LDLRAD4: variants seen among roughly 807,000 people sequenced by gnomAD.
LDLRAD4 encodes the protein low-density lipoprotein receptor class A domain-containing protein 4.
Under a neutral mutation model 17.0 loss-of-function variants are expected in LDLRAD4, and 5 were observed. The ratio of observed to expected loss-of-function variants is 0.29; its 90% CI spans 0.15 to 0.62. The LOEUF (loss-of-function observed/expected upper bound fraction) is 0.62, where lower values mean the gene tolerates loss of function less well. Ranked by LOEUF, LDLRAD4 falls within the 20% of genes least tolerant of loss-of-function variation. The pLI, the probability that LDLRAD4 is intolerant of heterozygous loss-of-function variation, is 0.84. For missense variants in LDLRAD4, 340 were observed against 424.7 expected (o/e 0.80, Z 1.75); for synonymous variants, 168 against 171.8 (o/e 0.98, Z 0.17).
intron 1 of LDLRAD4, among the ~76,000 whole-genome samples, chr18:13,228,568 T>A (rs1305617337): frequency 6.6e-6 from 1 of 152,192 alleles, no homozygotes; most frequent in Non-Finnish European, 1.5e-5. Context: ...CGGCAGTTGG[T>A]TGGCTCGGTT....
chr18:13,465,845 G>A (rs1389069146), intron 3 of LDLRAD4, among the ~76,000 whole-genome samples: 2 of 152,158 alleles, frequency 1.3e-5, no homozygotes, highest in Non-Finnish European at 2.9e-5. Context: ...CCGTAATGCT[G>A]TAAGTTAGGC....
At chr18:13,377,129 A>G (rs735254) in intron 1 of LDLRAD4, among the ~76,000 whole-genome samples, 97,773 of 152,110 alleles carry the variant, frequency 0.64, 31,608 homozygotes, top group East Asian at 0.71. Context: ...CGCAGGTGGC[A>G]TTTGATGTGT....
intron 4 of LDLRAD4, among the ~76,000 whole-genome samples, chr18:13,635,258 C>T (rs1320482648): frequency 2.0e-5 from 3 of 152,144 alleles, no homozygotes; most frequent in South Asian, 2.1e-4. Flanking sequence ...CCACTCTTCC[C>T]GGTGGCAAAC....
intron 3 of LDLRAD4, among the ~76,000 whole-genome samples, chr18:13,607,624 T>A (rs2095237427): frequency 6.6e-6 from 1 of 151,620 alleles, no homozygotes; most frequent in Non-Finnish European, 1.5e-5. Flanking sequence ...GGCCCCACTG[T>A]GTGATGTTCC....
At chr18:13,273,581 C>T (rs1238506974), upstream of LDLRAD4, among the ~76,000 whole-genome samples, 4 of 152,140 alleles carry the variant, frequency 2.6e-5, no homozygotes, top group African/African-American at 7.2e-5. Flanking sequence ...TGTGAGCTGC[C>T]GGACCCAGCC....
At position 13,603,396 on chromosome 18, in the gene LDLRAD4, C is replaced by T. The variant is rs74659964; in HGVS notation, c.182-17721C>T. Among the ~76,000 whole-genome samples, 347 of 152,302 alleles carry T rather than the reference C, an allele frequency of 2.3e-3. 2 individuals carry two copies. The highest frequency in any genetic ancestry group is 7.9e-3 in the African/African-American group (329 of 41,562). ...CAGGAGCCTTCTGAAGGGTGGTCCT[C>T]GGATCGGCCACATTTAGAGTTGGAC... On this transcript the variant is annotated intron_variant, in intron 3 of 5. Transcript: ENST00000359446.
At chr18:13,508,613 C>A (rs1319119402) in intron 3 of LDLRAD4, among the ~76,000 whole-genome samples, 1 of 152,070 alleles carries the variant, frequency 6.6e-6, no homozygotes, top group East Asian at 1.9e-4. Context: ...AGAAATAGAA[C>A]AACAAAACTG....
intron 3 of LDLRAD4, among the ~76,000 whole-genome samples, chr18:13,486,006 T>G (rs1387320647): frequency 2.0e-5 from 3 of 152,248 alleles, no homozygotes; most frequent in Non-Finnish European, 4.4e-5. Flanking sequence ...GACTTTTCCC[T>G]TCTCTTCTGG....
chr18:13,509,054 G>A (rs1335853837), intron 3 of LDLRAD4, among the ~76,000 whole-genome samples: 1 of 152,174 alleles, frequency 6.6e-6, no homozygotes, highest in Non-Finnish European at 1.5e-5. Flanking sequence ...TGTAATTCCA[G>A]CACTTTAGGA....
Position 13,438,332 on chromosome 18 carries a change from C to T in LDLRAD4, c.129C>T (p.Asp43=), listed in dbSNP as rs145523399. ...AGAACGACTGTGGGGACAACAGTGA[C>T]GAAGAGAACTGTCTCCTGGTGACCG... The change falls in exon 3 of 6, where the codon GAC becomes GAT. Residue 43 remains aspartate, a synonymous_variant. Coordinates refer to ENST00000359446, the Ensembl canonical transcript of LDLRAD4. 2.0e-5 allele frequency: 33 copies of T among 1,613,544 alleles called. 1 individual carries two copies. The highest frequency in any genetic ancestry group is 8.3e-5 in the Admixed American group (5 of 60,006).
chr18:13,226,862 C>A (rs2041837332), intron 1 of LDLRAD4, among the ~76,000 whole-genome samples: 1 of 152,174 alleles, frequency 6.6e-6, no homozygotes, highest in Non-Finnish European at 1.5e-5. Flanking sequence ...TCTTGGTCTT[C>A]CCCCAGCCTC....
At chr18:13,579,217 G>A (rs1297254259) in intron 3 of LDLRAD4, among the ~76,000 whole-genome samples, 1 of 152,024 alleles carries the variant, frequency 6.6e-6, no homozygotes, top group Non-Finnish European at 1.5e-5. Flanking sequence ...AAAATATAAT[G>A]CTATTTGTTT....
At chr18:13,365,445 C>T (rs1158938004) in intron 1 of LDLRAD4, among the ~76,000 whole-genome samples, 3 of 152,116 alleles carry the variant, frequency 2.0e-5, no homozygotes, top group Admixed American at 6.5e-5. Flanking sequence ...ATTTGTAGTG[C>T]GCTGTGAGAG....
At chr18:13,580,010 G>A (rs961081563) in intron 3 of LDLRAD4, among the ~76,000 whole-genome samples, 1 of 152,132 alleles carries the variant, frequency 6.6e-6, no homozygotes, top group African/African-American at 2.4e-5. Flanking sequence ...CTAGTTCACT[G>A]CATGTCAGCC....
chr18:13,543,558 G>C (rs114168715), intron 3 of LDLRAD4: 1 of 152,350 alleles, frequency 6.6e-6, no homozygotes, highest in African/African-American at 2.4e-5. Context: ...CTCAACTGGA[G>C]AGAATTTACA....
intron 1 of LDLRAD4, among the ~76,000 whole-genome samples, chr18:13,361,184 T>C (rs972253289): frequency 6.6e-6 from 1 of 152,094 alleles, no homozygotes; most frequent in Non-Finnish European, 1.5e-5. Context: ...TTCACGCCAT[T>C]CTCCCACCTC....
intron 1 of LDLRAD4, among the ~76,000 whole-genome samples, chr18:13,377,394 G>A (rs1034412760): frequency 1.3e-5 from 2 of 152,190 alleles, no homozygotes; most frequent in African/African-American, 4.8e-5. Flanking sequence ...AGTCATTCTT[G>A]GAAAGGCTGG....
chr18:13,557,811 C>G (rs1277948487), intron 3 of LDLRAD4, among the ~76,000 whole-genome samples: 2 of 152,188 alleles, frequency 1.3e-5, no homozygotes, highest in African/African-American at 4.8e-5. Context: ...TTGTTACCAT[C>G]ATGATCATCA....
At chr18:13,434,942 C>G (rs918000305) in intron 2 of LDLRAD4, among the ~76,000 whole-genome samples, 1 of 152,246 alleles carries the variant, frequency 6.6e-6, no homozygotes, top group Non-Finnish European at 1.5e-5. Context: ...AAAACCCACG[C>G]TGTCTGACTG....
Sources: allele counts gnomAD v4.1 joint callset (sites outside exome capture counted in the v4.1 genomes callset), GRCh38; gene constraint gnomAD v4.1.1; transcripts MANE v1.5; gene names NCBI Gene and HGNC (gene_info 2026-07-23, HGNC 2026-07-21).